The following ABI3BP variants were observed in gnomAD, a reference collection of about 807,000 sequenced individuals.
The protein encoded by ABI3BP is ABI family member 3 binding protein, also known as target of Nesh-SH3.
In ABI3BP, 216 loss-of-function variants were observed where a neutral mutation model predicts 268.6. That is an observed-to-expected ratio of 0.80 (90% confidence interval 0.72 to 0.90). ABI3BP has a LOEUF of 0.90. Ranked by LOEUF, ABI3BP falls within the 40% of genes least tolerant of loss-of-function variation. The probability of loss-of-function intolerance (pLI) is 0.00; values close to 1 mark genes in which losing one functional copy is unlikely to be tolerated. For synonymous variants in ABI3BP, 730 were observed against 730.0 expected (o/e 1.00, Z 0.00); for missense variants, 2,090 against 2,182.4 (o/e 0.96, Z 0.84).
At chr3:100,969,757 T>A (rs1179968739) in intron 1 of ABI3BP, among the ~76,000 whole-genome samples, 1 of 152,150 alleles carries the variant, frequency 6.6e-6, no homozygotes, top group East Asian at 1.9e-4. Context: ...AGAGTCCACA[T>A]CTAAGAGTGT....
chr3:100,860,301 G>T (rs1270967991), intron 14 of ABI3BP, among the ~76,000 whole-genome samples: 1 of 152,136 alleles, frequency 6.6e-6, no homozygotes, highest in East Asian at 1.9e-4. Context: ...ATGTTAATAT[G>T]TGCAATCACA....
rs1362083831 is a variant in ABI3BP at position 100,967,897 on chromosome 3, GA to G, written c.79+25408del. ...AGGGGCACAGAAAAAGAAAAAAAAT[GA>G]AAAAACAATGCATGCCTATGTGAAA... On this transcript the variant is annotated intron_variant, in intron 1 of 67. Transcript: ENST00000471714. Among the ~76,000 whole-genome samples the G allele has an allele frequency of 2.0e-5, 3 of 152,116 alleles. No homozygotes were observed. In the East Asian group the frequency reaches 5.8e-4, roughly 29 times the overall value.
In ABI3BP at chr3:100,749,901, A is replaced by C; in HGVS notation, c.*594T>G. Reference sequence around the variant, plus strand: ...TAAGAATTTGTGGATGTTTAAAGGAAATGTATATTAGCATGAATGTGTAAC... The same window carrying C: ...TAAGAATTTGTGGATGTTTAAAGGACATGTATATTAGCATGAATGTGTAAC... On this transcript the variant is annotated 3_prime_UTR_variant, in exon 68 of 68. Coordinates refer to ENST00000471714, the MANE Select transcript of ABI3BP (RefSeq NM_001375547.2). 1 of 394,426 alleles carries C rather than the reference A, an allele frequency of 2.5e-6. No individual in the cohort carries two copies. The highest frequency in any genetic ancestry group is 3.6e-5 in the East Asian group (1 of 27,868). 24.4% of individuals were successfully genotyped at this position (394,426 alleles called of 1,614,324 possible). A position where few individuals can be genotyped will look rare whatever the true frequency, so the allele number is the denominator to read the frequency against.
chr3:100,809,247 A>G (rs537987142), intron 49 of ABI3BP, among the ~76,000 whole-genome samples: 5 of 152,022 alleles, frequency 3.3e-5, no homozygotes, highest in Non-Finnish European at 7.4e-5. Flanking sequence ...TTTCTTCATC[A>G]GAAGTTACAC....
intron 1 of ABI3BP, among the ~76,000 whole-genome samples, chr3:100,949,568 C>A (rs1002470571): frequency 1.3e-5 from 2 of 152,110 alleles, no homozygotes; most frequent in African/African-American, 4.8e-5. Context: ...GCCTGGCCAA[C>A]AATTGAATTT....
At chr3:100,899,929 T>C (rs2245266) in intron 3 of ABI3BP, among the ~76,000 whole-genome samples, 127,071 of 152,152 alleles carry the variant, frequency 0.84, 53,296 homozygotes, top group East Asian at 1. Context: ...GAGTGCCCCT[T>C]GCATGAGCCT....
At chr3:100,875,045 T>C (rs1450770532) in intron 8 of ABI3BP, 112 bp from the exon 9 acceptor site, 6 of 559,070 alleles carry the variant, frequency 1.1e-5, no homozygotes, top group Non-Finnish European at 1.8e-5. Flanking sequence ...TTATTTTGCT[T>C]AGTAAATTTT....
chr3:100,862,336 A>G lies in ABI3BP; in HGVS notation c.1260T>C (p.Asp420=). The change falls in exon 14 of 68, where the codon GAT becomes GAC. Residue 420 remains aspartate (D), a synonymous_variant. Coordinates refer to ENST00000471714, the MANE Select transcript of ABI3BP (RefSeq NM_001375547.2). ...CAGTTTGAGGCTGCAGAACTTTGGAATCTTCAGATATTTTAGCTGTAGGCA... is the reference window on the plus strand; with the variant it reads ...CAGTTTGAGGCTGCAGAACTTTGGAGTCTTCAGATATTTTAGCTGTAGGCA... ...WIVPTAKISE[D]SKVLQPQTAT... is the part of the protein sequence containing the mutation. 1 of 1,604,296 alleles carries G rather than the reference A, an allele frequency of 6.2e-7. No homozygotes were observed. Among genetic ancestry groups the G allele is most frequent in the Non-Finnish European group, 8.5e-7 (1 of 1,175,856 alleles).
At chr3:100,969,449 A>C (rs892558775) in intron 1 of ABI3BP, among the ~76,000 whole-genome samples, 2 of 152,220 alleles carry the variant, frequency 1.3e-5, no homozygotes, top group African/African-American at 4.8e-5. Flanking sequence ...CAAGTACTAA[A>C]GGGATGGGCT....
At chr3:100,956,725 C>G (rs2076976629) in intron 1 of ABI3BP, among the ~76,000 whole-genome samples, 1 of 152,050 alleles carries the variant, frequency 6.6e-6, no homozygotes. Flanking sequence ...GGGGCACAAT[C>G]TTTGATAGAT....
intron 6 of ABI3BP, among the ~76,000 whole-genome samples, chr3:100,885,218 T>A (rs2041389774): frequency 6.6e-6 from 1 of 152,070 alleles, no homozygotes; most frequent in African/African-American, 2.4e-5. Flanking sequence ...ATGTATCAAT[T>A]TGCTCTTGAA....
At chr3:100,978,273 A>G (rs1203329363) in intron 1 of ABI3BP, among the ~76,000 whole-genome samples, 1 of 152,250 alleles carries the variant, frequency 6.6e-6, no homozygotes, top group African/African-American at 2.4e-5. Flanking sequence ...ACTCTGTGTA[A>G]GACAAAATGA....
chr3:100,842,316 T>A (rs1344117973), intron 20 of ABI3BP, among the ~76,000 whole-genome samples: 2 of 152,174 alleles, frequency 1.3e-5, no homozygotes, highest in African/African-American at 4.8e-5. Flanking sequence ...GAGTTCTGGG[T>A]AGCCTCTCTG....
intron 41 of ABI3BP, among the ~76,000 whole-genome samples, chr3:100,817,852 A>G (rs2098104728): frequency 6.6e-6 from 1 of 152,224 alleles, no homozygotes; most frequent in Non-Finnish European, 1.5e-5. Context: ...GTTGGGATAA[A>G]TATCTTGTTA....
intron 1 of ABI3BP, among the ~76,000 whole-genome samples, chr3:100,977,903 C>T (rs372572823): frequency 3.3e-5 from 5 of 152,080 alleles, no homozygotes; most frequent in South Asian, 2.1e-4. Context: ...TGGACCATCT[C>T]GAGGCCCTCT....
At chr3:100,906,102 CAG>C (rs1297736823) in intron 2 of ABI3BP, among the ~76,000 whole-genome samples, 9 of 152,128 alleles carry the variant, frequency 5.9e-5, no homozygotes, top group Non-Finnish European at 1.0e-4. Context: ...CTCACTCTAG[CAG>C]AGTCTCTTAG....
At chr3:100,874,803 G>A in intron 9 of ABI3BP, 38 bp downstream of exon 9, 1 of 1,260,856 alleles carries the variant, frequency 7.9e-7, no homozygotes, top group Non-Finnish European at 1.1e-6. Flanking sequence ...CTAGTACTCA[G>A]TTACTGCAAA....
chr3:100,925,358 C>T (rs2061497685), intron 2 of ABI3BP, among the ~76,000 whole-genome samples: 1 of 152,110 alleles, frequency 6.6e-6, no homozygotes, highest in South Asian at 2.1e-4. Flanking sequence ...TCTTATTAGA[C>T]TATCCAGAAA....
At chr3:100,856,863 C>G (rs758142095) in intron 14 of ABI3BP, among the ~76,000 whole-genome samples, 1 of 152,104 alleles carries the variant, frequency 6.6e-6, no homozygotes, top group Non-Finnish European at 1.5e-5. Context: ...CTTCTCCTTC[C>G]CTGGTGCCCA....
Sources: gnomAD v4.1 joint callset for allele counts (sites outside exome capture counted in the v4.1 genomes callset) on GRCh38, gnomAD v4.1.1 for gene constraint, MANE v1.5 for transcripts, NCBI Gene and HGNC (gene_info 2026-07-23, HGNC 2026-07-21) for gene names.